Variants in HECW2 observed in about 807,000 individuals in gnomAD.
The protein encoded by HECW2 is E3 ubiquitin-protein ligase HECW2.
Under a neutral mutation model 175.2 loss-of-function variants are expected in HECW2, and 61 were observed. The ratio of observed to expected loss-of-function variants is 0.35; its 90% confidence interval spans 0.28 to 0.43. The LOEUF is 0.43. Ranked by LOEUF, HECW2 falls within the 20% of genes least tolerant of loss-of-function variation. The pLI is 1.00. For missense variants in HECW2, 1,524 were observed against 2,000.5 expected (o/e 0.76, Z 4.54); for synonymous variants, 671 against 731.0 (o/e 0.92, Z 1.32).
At chr2:196,312,332 T>C (rs978801215) in intron 10 of HECW2, among the ~76,000 whole-genome samples, 1 of 152,196 alleles carries the variant, frequency 6.6e-6, no homozygotes, top group Non-Finnish European at 1.5e-5. Context: ...AATAAATGTA[T>C]AAATCCACTA....
At chr2:196,392,898 C>G (rs1694555726) in intron 2 of HECW2, among the ~76,000 whole-genome samples, 1 of 152,170 alleles carries the variant, frequency 6.6e-6, no homozygotes, top group African/African-American at 2.4e-5. Context: ...TACCTGACTT[C>G]AAACTACACT....
chr2:196,443,082 T>C (rs1204369554), intron 1 of HECW2, among the ~76,000 whole-genome samples: 1 of 152,138 alleles, frequency 6.6e-6, no homozygotes. Context: ...TAAACATCCG[T>C]CCTTTCTCCA....
chr2:196,548,301 G>C (rs1273151519), intron 1 of HECW2, among the ~76,000 whole-genome samples: 3 of 147,530 alleles, frequency 2.0e-5, no homozygotes, highest in Middle Eastern at 6.9e-3. Context: ...GTGCACTCCA[G>C]CCTGGATGAC....
chr2:196,227,082 A>G (rs1559448571), intron 22 of HECW2, among the ~76,000 whole-genome samples: 1 of 152,196 alleles, frequency 6.6e-6, no homozygotes, highest in Non-Finnish European at 1.5e-5. Flanking sequence ...TTTTAAGAAC[A>G]ATGTCCAGCA....
At chr2:196,452,434 C>T (rs1696375296) in intron 1 of HECW2, among the ~76,000 whole-genome samples, 1 of 152,092 alleles carries the variant, frequency 6.6e-6, no homozygotes, top group Non-Finnish European at 1.5e-5. Context: ...CAACTCAGTC[C>T]AAGGGTAAAT....
chr2:196,210,705 C>T (rs1303927259), intron 28 of HECW2, among the ~76,000 whole-genome samples: 2 of 151,986 alleles, frequency 1.3e-5, no homozygotes, highest in Admixed American at 6.5e-5. Context: ...CCTCCACCTC[C>T]TGGGTTCAAG....
intron 1 of HECW2, among the ~76,000 whole-genome samples, chr2:196,571,463 C>T (rs1690382155): frequency 6.6e-6 from 1 of 152,150 alleles, no homozygotes; most frequent in African/African-American, 2.4e-5. Flanking sequence ...AATCCCAGCA[C>T]TTTCGGAGGC....
chr2:196,402,794 G>A (rs1694856461), intron 2 of HECW2, among the ~76,000 whole-genome samples: 1 of 140,852 alleles, frequency 7.1e-6, no homozygotes, highest in African/African-American at 2.6e-5. Flanking sequence ...CAGATTCCTT[G>A]CCTTGGGAAT....
At chr2:196,351,727 A>G (rs536444093) in intron 2 of HECW2, among the ~76,000 whole-genome samples, 1 of 152,346 alleles carries the variant, frequency 6.6e-6, no homozygotes, top group South Asian at 2.1e-4. Context: ...TTGTATATAA[A>G]TTGAAAACAA....
At chr2:196,535,913 G>A (rs1320279089) in intron 1 of HECW2, among the ~76,000 whole-genome samples, 1 of 151,922 alleles carries the variant, frequency 6.6e-6, no homozygotes, top group Non-Finnish European at 1.5e-5. Context: ...CAAGTATTAT[G>A]TGTTAAAAAA....
At chr2:196,556,638 T>C (rs1391111402) in intron 1 of HECW2, among the ~76,000 whole-genome samples, 1 of 152,224 alleles carries the variant, frequency 6.6e-6, no homozygotes, top group African/African-American at 2.4e-5. Context: ...ACTTTTTGCC[T>C]GGCAATTGTC....
chr2:196,476,709 T>G (rs1414854633), intron 1 of HECW2, among the ~76,000 whole-genome samples: 1 of 151,890 alleles, frequency 6.6e-6, no homozygotes, highest in Non-Finnish European at 1.5e-5. Context: ...AAGCTCTCAC[T>G]GGTTTTATAT....
chr2:196,352,836 C>T (rs1268074776), intron 2 of HECW2, among the ~76,000 whole-genome samples: 2 of 152,244 alleles, frequency 1.3e-5, no homozygotes, highest in African/African-American at 4.8e-5. Flanking sequence ...CACTTGGACT[C>T]ATTTCAGTAA....
At chr2:196,478,256 G>T (rs1440612781) in intron 1 of HECW2, among the ~76,000 whole-genome samples, 2 of 152,172 alleles carry the variant, frequency 1.3e-5, no homozygotes, top group East Asian at 3.8e-4. Flanking sequence ...CCTGATCTAG[G>T]CTCTGAGGAG....
intron 1 of HECW2, among the ~76,000 whole-genome samples, chr2:196,469,794 A>G (rs1374084894): frequency 6.6e-6 from 1 of 152,092 alleles, no homozygotes; most frequent in East Asian, 1.9e-4. Flanking sequence ...AGAAGTATAT[A>G]TAGTATGAAG....
chr2:196,256,539 A>G (rs890529831), intron 18 of HECW2, among the ~76,000 whole-genome samples: 7 of 152,248 alleles, frequency 4.6e-5, no homozygotes, highest in African/African-American at 7.2e-5. Flanking sequence ...GGATAGGTGA[A>G]TGATAATTAT....
chr2:196,348,378 C>G (rs771872019), intron 2 of HECW2, among the ~76,000 whole-genome samples: 1 of 152,098 alleles, frequency 6.6e-6, no homozygotes, highest in Non-Finnish European at 1.5e-5. Flanking sequence ...TGCAGTGGGT[C>G]ATGCCTGTCA....
At chr2:196,299,589 G>C (rs1379850327) in intron 13 of HECW2, among the ~76,000 whole-genome samples, 1 of 152,038 alleles carries the variant, frequency 6.6e-6, no homozygotes, top group African/African-American at 2.4e-5. Context: ...CTAAGATCTG[G>C]GTACCAAGAA....
At chr2:196,380,493 C>T (rs1027814432) in intron 2 of HECW2, among the ~76,000 whole-genome samples, 1 of 152,136 alleles carries the variant, frequency 6.6e-6, no homozygotes, top group African/African-American at 2.4e-5. Flanking sequence ...TTATGTGCCC[C>T]AAGTGGTATT....
Sources: allele counts gnomAD v4.1 joint callset (sites outside exome capture counted in the v4.1 genomes callset), GRCh38; gene constraint gnomAD v4.1.1; transcripts MANE v1.5; gene names NCBI Gene and HGNC (gene_info 2026-07-23, HGNC 2026-07-21).